Variants in LRRTM4 observed in about 807,000 individuals in gnomAD.
LRRTM4 encodes leucine rich repeat transmembrane neuronal 4, also known as leucine-rich repeat transmembrane neuronal protein 4.
Under a neutral mutation model 47.6 loss-of-function variants are expected in LRRTM4, and 25 were observed. The observed-to-expected ratio is 0.53, with a 90% CI of 0.38 to 0.73. LRRTM4 has a LOEUF of 0.73. Ranked by LOEUF, LRRTM4 falls within the 30% of genes least tolerant of loss-of-function variation. The pLI, the probability that LRRTM4 is intolerant of heterozygous loss-of-function variation, is 0.00. For missense variants in LRRTM4, 638 were observed against 713.4 expected, an observed-to-expected ratio of 0.89 and a Z score of 1.20; for synonymous variants, 311 against 269.5, an observed-to-expected ratio of 1.15 and a Z score of -1.51.
intron 3 of LRRTM4, among the ~76,000 whole-genome samples, chr2:77,212,194 CAT>C (rs1263628358): frequency 2.6e-5 from 4 of 151,666 alleles, no homozygotes; most frequent in African/African-American, 9.7e-5. Context: ...TAGAAAAAAA[CAT>C]TACTTAAAGT....
intron 3 of LRRTM4, among the ~76,000 whole-genome samples, chr2:77,100,054 C>T (rs1175594097): frequency 6.6e-6 from 1 of 151,982 alleles, no homozygotes; most frequent in Non-Finnish European, 1.5e-5. Context: ...TTGGTGTCCT[C>T]TTGGTCCTTT....
intron 3 of LRRTM4, among the ~76,000 whole-genome samples, chr2:76,795,621 C>T (rs1016531386): frequency 3.3e-5 from 5 of 150,028 alleles, no homozygotes; most frequent in Non-Finnish European, 7.4e-5. Context: ...CTTTATCCAT[C>T]CATTGATGGA....
chr2:77,480,822 G>GAGAGAGAGAGA (rs1222517611), intron 3 of LRRTM4, among the ~76,000 whole-genome samples: 6 of 74,522 alleles, frequency 8.1e-5, no homozygotes, highest in Non-Finnish European at 1.4e-4. Context: ...GTGTGTGTGT[G>GAGAGAGAGAGA]GAGAGAGAGA....
intron 3 of LRRTM4, among the ~76,000 whole-genome samples, chr2:76,826,413 T>G (rs1185684264): frequency 6.6e-6 from 1 of 151,218 alleles, no homozygotes; most frequent in African/African-American, 2.4e-5. Flanking sequence ...TAGTTTTGCA[T>G]AAAAGGAAAA....
chr2:76,936,792 A>G (rs1488829257), intron 3 of LRRTM4, among the ~76,000 whole-genome samples: 2 of 150,556 alleles, frequency 1.3e-5, no homozygotes, highest in African/African-American at 4.9e-5. Flanking sequence ...CATTTCTACT[A>G]AAAATACAAA....
At chr2:76,834,902 G>C (rs1316605657) in intron 3 of LRRTM4, among the ~76,000 whole-genome samples, 1 of 152,092 alleles carries the variant, frequency 6.6e-6, no homozygotes, top group East Asian at 1.9e-4. Context: ...TCAGAAGACT[G>C]GAAAAGTTTG....
At chr2:77,269,636 G>A (rs1676140568) in intron 3 of LRRTM4, among the ~76,000 whole-genome samples, 1 of 152,060 alleles carries the variant, frequency 6.6e-6, no homozygotes, top group African/African-American at 2.4e-5. Context: ...AGAAAAAAAG[G>A]TTTTAGTTAT....
At chr2:76,903,592 A>G (rs1673719288) in intron 3 of LRRTM4, among the ~76,000 whole-genome samples, 1 of 152,038 alleles carries the variant, frequency 6.6e-6, no homozygotes, top group Non-Finnish European at 1.5e-5. Context: ...AAAACTACAA[A>G]AGCTTATTTT....
chr2:77,213,695 T>C (rs1674358084), intron 3 of LRRTM4, among the ~76,000 whole-genome samples: 1 of 152,176 alleles, frequency 6.6e-6, no homozygotes, highest in Non-Finnish European at 1.5e-5. Context: ...ACTTTAGGAC[T>C]GTCAGAAGTC....
chr2:77,267,905 ACACTAAAAAT>A (rs1015756273), intron 3 of LRRTM4, among the ~76,000 whole-genome samples: 23 of 152,286 alleles, frequency 1.5e-4, no homozygotes, highest in African/African-American at 5.3e-4. Context: ...GGGAAAAACA[ACACTAAAAAT>A]GTCCTTATGA....
At chr2:77,501,481 A>G (rs1030751654) in intron 3 of LRRTM4, among the ~76,000 whole-genome samples, 41 of 151,034 alleles carry the variant, frequency 2.7e-4, no homozygotes, top group African/African-American at 9.2e-4. Flanking sequence ...ACTAGGTAAA[A>G]TGTTTGACAA....
At position 77,418,589 on chromosome 2, in the gene LRRTM4, T is replaced by C. The variant is rs555332889; in HGVS notation, c.1551+99729A>G. Among the ~76,000 whole-genome samples the C allele has an allele frequency of 1.1e-4, 17 of 152,294 alleles. No homozygotes were observed. The East Asian group carries it at 2.7e-3, about 24-fold the overall frequency. On this transcript the variant is annotated intron_variant, in intron 3 of 3. Coordinates refer to ENST00000409884, the MANE Select transcript of LRRTM4 (RefSeq NM_001134745.3). ...AAAATACAAAATCCTCTTAGGCCTA[T>C]TTGGCCCTTAAAAAGCCAGTGCCAC...
intron 3 of LRRTM4, among the ~76,000 whole-genome samples, chr2:77,494,637 G>C (rs1678292940): frequency 6.6e-6 from 1 of 151,654 alleles, no homozygotes; most frequent in African/African-American, 2.4e-5. Flanking sequence ...TATTTTAATA[G>C]ATTTATGGAA....
chr2:77,090,021 C>A (rs1211529933), intron 3 of LRRTM4, among the ~76,000 whole-genome samples: 1 of 152,220 alleles, frequency 6.6e-6, no homozygotes, highest in Non-Finnish European at 1.5e-5. Context: ...TCTTCCTTTT[C>A]TACAGACCCA....
chr2:77,408,860 A>G (rs969252061), intron 3 of LRRTM4, among the ~76,000 whole-genome samples: 2 of 152,348 alleles, frequency 1.3e-5, no homozygotes, highest in Non-Finnish European at 2.9e-5. Flanking sequence ...CAAATTATAA[A>G]TGAATATCAA....
chr2:77,440,167 C>G (rs367877046), intron 3 of LRRTM4, among the ~76,000 whole-genome samples: 1 of 152,176 alleles, frequency 6.6e-6, no homozygotes, highest in African/African-American at 2.4e-5. Flanking sequence ...GTAATCCGAG[C>G]ACTTTGGGAG....
chr2:76,802,069 G>A (rs1477467213), intron 3 of LRRTM4, among the ~76,000 whole-genome samples: 1 of 152,046 alleles, frequency 6.6e-6, no homozygotes. Context: ...AACAAGACAA[G>A]GATGCCCACT....
chr2:77,095,035 G>T lies in LRRTM4; in HGVS notation c.1552-346119C>A, dbSNP rs1317546169. ...TTTGCAAATCATAAAACTGATAAGAGGCTAGTATCCAAAATATGTAAGAAA... is the reference window on the plus strand; with the variant it reads ...TTTGCAAATCATAAAACTGATAAGATGCTAGTATCCAAAATATGTAAGAAA... On this transcript the variant is annotated intron_variant, in intron 3 of 3. Transcript: ENST00000409884. 2.0e-5 allele frequency among the ~76,000 whole-genome samples: 3 copies of T among 152,128 alleles called. No homozygotes were observed. In the East Asian group the frequency reaches 5.8e-4, roughly 29 times the overall value.
At chr2:77,115,956 G>A (rs184852622) in intron 3 of LRRTM4, among the ~76,000 whole-genome samples, 13 of 152,194 alleles carry the variant, frequency 8.5e-5, no homozygotes, top group African/African-American at 2.9e-4. Flanking sequence ...CTTCTTCAGT[G>A]TTGTACTTCC....
Sources: gnomAD v4.1 joint callset for allele counts (sites outside exome capture counted in the v4.1 genomes callset) on GRCh38, gnomAD v4.1.1 for gene constraint, MANE v1.5 for transcripts, NCBI Gene and HGNC (gene_info 2026-07-23, HGNC 2026-07-21) for gene names.